SAFB: variants seen among roughly 807,000 people sequenced by gnomAD.
SAFB encodes the protein scaffold attachment factor B1.
Under a neutral mutation model 101.6 loss-of-function variants are expected in SAFB, and 15 were observed. The observed-to-expected ratio is 0.15, with a 90% CI of 0.10 to 0.23. SAFB has a LOEUF of 0.23. Ranked by LOEUF, SAFB falls within the 10% of genes least tolerant of loss-of-function variation. The pLI is 1.00. For missense variants in SAFB, 930 were observed against 1,104.1 expected, an observed-to-expected ratio of 0.84 and a Z score of 2.23; for synonymous variants, 449 against 407.5, an observed-to-expected ratio of 1.10 and a Z score of -1.23.
rs767488519 is a variant in SAFB, at chr19:5,642,651, C to CTTTTTTTTTTTTTT, written c.546+718_546+731dup. On this transcript the variant is annotated intron_variant, in intron 4 of 20. Transcript: ENST00000588852. ...GGCATTGGCATTATGCCCTTCCTTT[C>CTTTTTTTTTTTTTT]TTTTTTTTTTTTTTTTTTTTTTTTT... Among the ~76,000 whole-genome samples the CTTTTTTTTTTTTTT allele has an allele frequency of 6.6e-4, 47 of 70,852 alleles. 9 individuals are homozygous for CTTTTTTTTTTTTTT. The East Asian group carries it at 8.2e-3, about 12-fold the overall frequency. 46.5% of individuals were successfully genotyped at this position (70,852 alleles called of 152,430 possible). A position where few individuals can be genotyped will look rare whatever the true frequency, so the allele number is the denominator to read the frequency against.
In SAFB at chr19:5,630,194, C is replaced by G. The variant is rs370791813; in HGVS notation, c.274+3705C>G. ...AAGAAAAGTATTTCATTGTATTTAT[C>G]TGCATTTTTCTGCAGGTGAGATTTT... On this transcript the variant is annotated intron_variant, in intron 2 of 20. Coordinates refer to ENST00000588852, the MANE Select transcript of SAFB (RefSeq NM_001201338.2). Among the ~76,000 whole-genome samples the G allele has an allele frequency of 5.3e-5, 8 of 152,268 alleles. No homozygotes were observed. The South Asian group carries it at 1.0e-3, about 20-fold the overall frequency.
Position 5,645,343 on chromosome 19 carries a change from G to T in SAFB, c.553G>T (p.Asp185Tyr). 7.9e-7 allele frequency: 1 copy of T among 1,269,574 alleles called. No individual in the cohort carries two copies. The highest frequency in any genetic ancestry group is 1.9e-4 in the Middle Eastern group (1 of 5,402). The allele number at this position is 1,269,574 out of a possible 1,614,324, so 78.6% of individuals were successfully genotyped here. ...PEQLQEHAIE[D>Y]KETINNLDTS... The stretch of plus-strand genomic sequence containing the variant: ...TTCTCCATTTATTTTACAGATAGAG[G>T]ACAAAGAAACTATAAACAATTTAGA... Residue 185 changes from aspartate to tyrosine, a missense_variant, in exon 5 of 21, where the codon GAC becomes TAC. Asp to Tyr is a radical substitution (Grantham distance 160). Coordinates refer to ENST00000588852, the MANE Select transcript of SAFB (RefSeq NM_001201338.2).
At chr19:5,634,773 C>G (rs538004890) in intron 2 of SAFB, among the ~76,000 whole-genome samples, 1 of 152,098 alleles carries the variant, frequency 6.6e-6, no homozygotes, top group East Asian at 1.9e-4. Flanking sequence ...CCAAAAGATT[C>G]CCTTGCTGGT....
At chr19:5,654,965 TATGG>T (rs1473634541) in intron 13 of SAFB, among the ~76,000 whole-genome samples, 1 of 152,236 alleles carries the variant, frequency 6.6e-6, no homozygotes, top group Non-Finnish European at 1.5e-5. Flanking sequence ...AAAATTTACA[TATGG>T]GACTGTTGGC....
At position 5,664,025 on chromosome 19, in the gene SAFB, A is replaced by C. The variant is rs1538011; in HGVS notation, c.2157A>C (p.Arg719=). 6.2e-7 allele frequency: 1 copy of C among 1,613,772 alleles called. No individual in the cohort carries two copies. Among genetic ancestry groups the C allele is most frequent in the Admixed American group, 1.7e-5 (1 of 59,968 alleles). Residue 719 remains arginine, a synonymous_variant, in exon 16 of 21, where the codon CGA becomes CGC. Coordinates refer to ENST00000588852, the MANE Select transcript of SAFB (RefSeq NM_001201338.2). ...AVRRPYDLDR[R]DDAYWPEAKR... is the part of the protein sequence containing the mutation. Reference sequence around the variant, plus strand: ...TCTGTCTCATGTCCCCTCACAGGCGAGATGATGCCTATTGGCCGGAAGCCA... The same window carrying C: ...TCTGTCTCATGTCCCCTCACAGGCGCGATGATGCCTATTGGCCGGAAGCCA...
At chr19:5,657,508 C>T (rs1432189755) in intron 14 of SAFB, among the ~76,000 whole-genome samples, 161 bp downstream of exon 14, 5 of 152,156 alleles carry the variant, frequency 3.3e-5, no homozygotes, top group African/African-American at 1.2e-4. Context: ...TAACTTTCAT[C>T]CTACGGCTCT....
In SAFB at chr19:5,667,566, G is replaced by T; in HGVS notation, c.2557+116G>T. On this transcript the variant is annotated intron_variant, in intron 19 of 20. Transcript: ENST00000588852. The surrounding 1 kb of genome is among the most constrained non-coding windows in gnomAD (Gnocchi z 4.0). ...GGTGCTCTGCTCTCAGTGCTGGAAT[G>T]AGGAATGAAGAGCACTCCAGACACC... 1 of 776,610 alleles carries T rather than the reference G, an allele frequency of 1.3e-6. No individual in the cohort carries two copies. The highest frequency in any genetic ancestry group is 1.7e-5 in the South Asian group (1 of 58,228). 48.1% of individuals were successfully genotyped at this position (776,610 alleles called of 1,614,324 possible).
At chr19:5,660,380 T>C (rs2054170004) in intron 14 of SAFB, among the ~76,000 whole-genome samples, 1 of 113,834 alleles carries the variant, frequency 8.8e-6, no homozygotes, top group Non-Finnish European at 1.7e-5. Flanking sequence ...GGAGACAGGG[T>C]CTCACTCTTT....
Position 5,649,514 on chromosome 19 carries a change from A to G in SAFB, c.1148+15A>G, listed in dbSNP as rs755821782. 4.7e-5 allele frequency: 20 copies of G among 426,150 alleles called. No individual in the cohort carries two copies. The highest frequency in any genetic ancestry group is 1.3e-3 in the Middle Eastern group (2 of 1,594). The allele number at this position is 426,150 out of a possible 1,614,324, so 26.4% of individuals were successfully genotyped here. On this transcript the variant is annotated intron_variant, in intron 7 of 20. Coordinates refer to ENST00000588852, the MANE Select transcript of SAFB (RefSeq NM_001201338.2). ...CAGAAAATGAGGTTTGTTTTTTCTCAGTTTTAGACCAGACGCTATCTCCTT... is the reference window on the plus strand; with the variant it reads ...CAGAAAATGAGGTTTGTTTTTTCTCGGTTTTAGACCAGACGCTATCTCCTT...
At chr19:5,647,650 G>A (rs1018814647) in intron 5 of SAFB, among the ~76,000 whole-genome samples, 5 of 152,198 alleles carry the variant, frequency 3.3e-5, no homozygotes, top group Non-Finnish European at 5.9e-5. Context: ...TTCATTGAGT[G>A]AAAAAGTGAC....
chr19:5,631,916 G>T (rs556021140), intron 2 of SAFB, among the ~76,000 whole-genome samples: 1 of 152,220 alleles, frequency 6.6e-6, no homozygotes, highest in Admixed American at 6.5e-5. Flanking sequence ...ATGTGATGGC[G>T]TGCATCTGTA....
chr19:5,642,788 A>G (rs568988146), intron 4 of SAFB, among the ~76,000 whole-genome samples: 6 of 148,882 alleles, frequency 4.0e-5, no homozygotes, highest in South Asian at 2.1e-4. Context: ...CAGCCTCCCA[A>G]GTGAGTAGCT....
chr19:5,626,136 A>G (rs1568243991), intron 1 of SAFB, among the ~76,000 whole-genome samples: 1 of 152,032 alleles, frequency 6.6e-6, no homozygotes, highest in Non-Finnish European at 1.5e-5. Context: ...GTACTGTATT[A>G]TTATTAGCCG....
At chr19:5,629,194 G>A (rs532695548) in intron 2 of SAFB, among the ~76,000 whole-genome samples, 21 of 152,328 alleles carry the variant, frequency 1.4e-4, no homozygotes, top group African/African-American at 4.3e-4. Flanking sequence ...GACTGTGTGT[G>A]TATGTACAAT....
intron 1 of SAFB, among the ~76,000 whole-genome samples, chr19:5,624,662 T>C (rs1013580974): frequency 1.3e-5 from 2 of 151,440 alleles, no homozygotes; most frequent in Non-Finnish European, 2.9e-5. Flanking sequence ...GCTTTATTAT[T>C]AATTGGTGAT....
Position 5,642,570 on chromosome 19 carries a change from A to G in SAFB, c.546+624A>G, listed in dbSNP as rs186093969. ...CCTAAATTTTTTTCCTGTTAGAAAC[A>G]TATCAAATGGATAGTAAGATTATAG... is the stretch of plus-strand genomic sequence containing the variant. On this transcript the variant is annotated intron_variant, in intron 4 of 20. Transcript: ENST00000588852. Among the ~76,000 whole-genome samples the G allele has an allele frequency of 2.7e-3, 415 of 151,874 alleles. 5 individuals carry two copies. In the Middle Eastern group the frequency reaches 0.034, roughly 13 times the overall value.
At chr19:5,657,756 C>T (rs1599373613) in intron 14 of SAFB, among the ~76,000 whole-genome samples, 1 of 151,956 alleles carries the variant, frequency 6.6e-6, no homozygotes, top group Non-Finnish European at 1.5e-5. Flanking sequence ...AACTCCTGAC[C>T]TCAGGTGATC....
intron 2 of SAFB, among the ~76,000 whole-genome samples, chr19:5,626,863 T>C (rs1456101439): frequency 1.3e-5 from 2 of 151,904 alleles, no homozygotes; most frequent in African/African-American, 2.4e-5. Context: ...CTGGGCAACA[T>C]AGCAAAACCC....
In SAFB at chr19:5,651,048, G is replaced by A. The variant is rs1284488441; in HGVS notation, c.1269G>A (p.Lys423=). ...LSSTTRATDL[K]NLFSKYGKVV... Reference sequence around the variant, plus strand: ...CTACAACCAGAGCTACAGATTTGAAGAATCTTTTCAGCAAATATGGGAAGG... The same window carrying A: ...CTACAACCAGAGCTACAGATTTGAAAAATCTTTTCAGCAAATATGGGAAGG... The change falls in exon 9 of 21, where the codon AAG becomes AAA. Residue 423 remains lysine (K), a synonymous_variant. Transcript: ENST00000588852. The A allele has an allele frequency of 6.2e-7, 1 of 1,608,156 alleles. No homozygotes were observed. The highest frequency in any genetic ancestry group is 8.5e-7 in the Non-Finnish European group (1 of 1,176,684).
Sources: gnomAD v4.1 joint callset for allele counts (sites outside exome capture counted in the v4.1 genomes callset) on GRCh38, gnomAD v4.1.1 for gene constraint, Gnocchi (gnomAD v3.1) non-coding constraint, MANE v1.5 for transcripts, NCBI Gene and HGNC (gene_info 2026-07-23, HGNC 2026-07-21) for gene names.